The following ATP8B4 variants were observed in gnomAD, a reference collection of about 807,000 sequenced individuals.
ATP8B4 encodes ATPase phospholipid transporting 8B4 (putative).
In ATP8B4, 133 loss-of-function variants were observed where a neutral mutation model predicts 145.6. That is an observed-to-expected ratio of 0.91 (90% CI 0.79 to 1.05). The LOEUF (loss-of-function observed/expected upper bound fraction) is 1.05. ATP8B4 is among the 50% of genes least tolerant of loss of function. The pLI is 0.00. For missense variants in ATP8B4, 1,458 were observed against 1,425.2 expected (o/e 1.02, Z -0.37); for synonymous variants, 507 against 492.9 (o/e 1.03, Z -0.38).
chr15:50,115,459 G>A (rs955957777), intron 1 of ATP8B4, among the ~76,000 whole-genome samples: 11 of 152,046 alleles, frequency 7.2e-5, no homozygotes, highest in East Asian at 1.9e-4. Context: ...CAGAGTCAGC[G>A]AAGACCTCAC....
intron 13 of ATP8B4, among the ~76,000 whole-genome samples, chr15:49,968,268 C>T (rs1205261126): frequency 6.6e-6 from 1 of 152,158 alleles, no homozygotes. Context: ...CAAATTCACA[C>T]ATAACAATAT....
At chr15:50,096,961 G>A (rs1287686401) in intron 2 of ATP8B4, among the ~76,000 whole-genome samples, 1 of 152,146 alleles carries the variant, frequency 6.6e-6, no homozygotes, top group Non-Finnish European at 1.5e-5. Flanking sequence ...CCAGCACCAC[G>A]TGGTACTTCA....
At chr15:50,117,904 A>G (rs982414988) in intron 1 of ATP8B4, among the ~76,000 whole-genome samples, 11 of 152,214 alleles carry the variant, frequency 7.2e-5, no homozygotes, top group Non-Finnish European at 1.2e-4. Context: ...CAGGCACAGA[A>G]AGACAAATAT....
At chr15:49,953,675 C>T (rs1281728398) in intron 14 of ATP8B4, among the ~76,000 whole-genome samples, 2 of 152,208 alleles carry the variant, frequency 1.3e-5, no homozygotes, top group East Asian at 3.8e-4. Flanking sequence ...CTGCTCCTTC[C>T]TCAAGGAGCT....
intron 6 of ATP8B4, among the ~76,000 whole-genome samples, chr15:50,021,125 T>TAGAC (rs2049521689): frequency 8.4e-6 from 1 of 119,662 alleles, no homozygotes; most frequent in South Asian, 2.6e-4. Flanking sequence ...TTATGATAGA[T>TAGAC]AGATAGATAG....
chr15:50,180,003 A>C (rs1223553083), intron 1 of ATP8B4, among the ~76,000 whole-genome samples: 2 of 152,100 alleles, frequency 1.3e-5, no homozygotes, highest in Non-Finnish European at 2.9e-5. Flanking sequence ...ACTTCCCCAA[A>C]TTTACTCTCC....
chr15:50,137,033 G>C (rs1358060839), intron 1 of ATP8B4, among the ~76,000 whole-genome samples: 1 of 152,160 alleles, frequency 6.6e-6, no homozygotes, highest in East Asian at 1.9e-4. Flanking sequence ...TTTGGGTTCT[G>C]AATTCTGTAT....
At chr15:49,970,547 T>C (rs911967918) in intron 13 of ATP8B4, among the ~76,000 whole-genome samples, 1 of 152,028 alleles carries the variant, frequency 6.6e-6, no homozygotes, top group Admixed American at 6.6e-5. Flanking sequence ...ATAAAATACC[T>C]AGAAATACAG....
Position 49,918,878 on chromosome 15 carries a change from C to T in ATP8B4, c.1996G>A (p.Ala666Thr). The part of the protein sequence containing the change: ...VIETVTSLSL[A>T]NIKIWVLTGD... ...GTTAGGACCCAGATCTTAATATTGG[C>T]TAGTGATAAACTTGTAACTGTTTCA... The change falls in exon 19 of 28, where the codon GCC becomes ACC. Residue 666 changes from alanine (A) to threonine (T), a missense_variant. Coordinates refer to ENST00000284509, the MANE Select transcript of ATP8B4 (RefSeq NM_024837.4). 1 of 1,613,450 alleles carries T rather than the reference C, an allele frequency of 6.2e-7. No individual in the cohort carries two copies. The highest frequency in any genetic ancestry group is 8.5e-7 in the Non-Finnish European group (1 of 1,179,548).
In ATP8B4 at chr15:50,028,810, G is replaced by A. The variant is rs1000511388; in HGVS notation, c.362+9958C>T. Among the ~76,000 whole-genome samples, 10 of 152,072 alleles carry A rather than the reference G, an allele frequency of 6.6e-5. No individual in the cohort carries two copies. The Middle Eastern group carries it at 9.5e-3, about 144-fold the overall frequency. Reference sequence around the variant, plus strand: ...ATAAGTGTCTACTGAGTGAAAGAACGAACAAATGAACGAACATAGAACCTC... The same window carrying A: ...ATAAGTGTCTACTGAGTGAAAGAACAAACAAATGAACGAACATAGAACCTC... On this transcript the variant is annotated intron_variant, in intron 6 of 27. Transcript: ENST00000284509.
chr15:49,921,612 G>A (rs193246337), intron 17 of ATP8B4, among the ~76,000 whole-genome samples: 1 of 152,214 alleles, frequency 6.6e-6, no homozygotes, highest in East Asian at 1.9e-4. Flanking sequence ...GCTCCTTTGG[G>A]TATTGCCATT....
chr15:50,056,724 C>T (rs920684264), intron 3 of ATP8B4, among the ~76,000 whole-genome samples: 68 of 151,144 alleles, frequency 4.5e-4, no homozygotes, highest in African/African-American at 1.5e-3. Context: ...TATACACACA[C>T]ACACACACAC....
At chr15:49,937,999 A>G (rs1489777878) in intron 14 of ATP8B4, among the ~76,000 whole-genome samples, 2 of 152,212 alleles carry the variant, frequency 1.3e-5, no homozygotes, top group Non-Finnish European at 2.9e-5. Context: ...GGTAAGTGCC[A>G]TGATAAGGCA....
chr15:50,090,611 A>G (rs1261744606), intron 2 of ATP8B4, among the ~76,000 whole-genome samples: 1 of 152,190 alleles, frequency 6.6e-6, no homozygotes, highest in Non-Finnish European at 1.5e-5. Context: ...GGATTTCACC[A>G]TCTCTAGAAC....
chr15:49,879,878 T>G (rs1453651011), intron 23 of ATP8B4: 1 of 154,094 alleles, frequency 6.5e-6, no homozygotes, highest in African/African-American at 2.4e-5. Flanking sequence ...GAGATAAATA[T>G]AGTAATAAGC....
At chr15:50,156,209 T>C (rs1352126112) in intron 1 of ATP8B4, among the ~76,000 whole-genome samples, 2 of 148,992 alleles carry the variant, frequency 1.3e-5, no homozygotes, top group Non-Finnish European at 3.0e-5. Context: ...TAGATGTTTT[T>C]GTTTTGTTTT....
In ATP8B4 at chr15:49,876,369, T is replaced by C. The variant is rs774146425; in HGVS notation, c.2936A>G (p.Asn979Ser). ...LFFIPYGAFY[N>S]VAGEDGQHIA... is the part of the protein sequence containing the mutation. ...ATGTTGCCCATCTTCTCCAGCCACG[T>C]TGTAAAAGGCCCCATAGGGGATGAA... The change falls in exon 25 of 28, where the codon AAC (asparagine) becomes AGC (serine). Residue 979 changes from asparagine to serine, a missense_variant. Physicochemically the swap from Asn to Ser is conservative, Grantham distance 46. Coordinates refer to ENST00000284509, the MANE Select transcript of ATP8B4 (RefSeq NM_024837.4). The C allele has an allele frequency of 1.9e-6, 3 of 1,614,052 alleles. No homozygotes were observed. The highest frequency in any genetic ancestry group is 2.5e-6 in the Non-Finnish European group (3 of 1,179,978).
intron 25 of ATP8B4, among the ~76,000 whole-genome samples, chr15:49,869,625 A>G (rs1001538697): frequency 6.6e-6 from 1 of 152,192 alleles, no homozygotes; most frequent in Non-Finnish European, 1.5e-5. Flanking sequence ...CGGAAAACTT[A>G]ATAGGAATCA....
intron 1 of ATP8B4, among the ~76,000 whole-genome samples, chr15:50,131,939 T>A (rs996148501): frequency 2.6e-5 from 4 of 151,934 alleles, no homozygotes; most frequent in Admixed American, 1.3e-4. Context: ...GTTCTGGAAA[T>A]TTAACCTGAT....
Sources: gnomAD v4.1 joint callset for allele counts (sites outside exome capture counted in the v4.1 genomes callset) on GRCh38, gnomAD v4.1.1 for gene constraint, MANE v1.5 for transcripts, NCBI Gene and HGNC (gene_info 2026-07-23, HGNC 2026-07-21) for gene names.